BICD1: variants seen among roughly 807,000 people sequenced by gnomAD.
BICD1 encodes the protein BICD cargo adaptor 1.
BICD1 carries 35 observed loss-of-function variants against 92.5 expected under a neutral mutation model. The ratio of observed to expected loss-of-function variants is 0.38; its 90% CI spans 0.29 to 0.50. BICD1 has a LOEUF of 0.50. Ranked by LOEUF, BICD1 falls within the 20% of genes least tolerant of loss-of-function variation. The pLI is 0.93. For missense variants in BICD1, 950 were observed against 1,189.8 expected (o/e 0.80, Z 2.97); for synonymous variants, 429 against 465.1 (o/e 0.92, Z 1.00).
intron 1 of BICD1, among the ~76,000 whole-genome samples, chr12:32,124,284 A>G (rs1036043801): frequency 3.9e-5 from 6 of 152,198 alleles, no homozygotes; most frequent in Admixed American, 1.3e-4. Context: ...TTTTTAAGTT[A>G]CTTATTTGTT....
intron 1 of BICD1, among the ~76,000 whole-genome samples, chr12:32,123,816 G>T (rs1942237299): frequency 6.6e-6 from 1 of 151,964 alleles, no homozygotes; most frequent in Admixed American, 6.6e-5. Context: ...GATGGAGGTT[G>T]CAGTGAGCCG....
At chr12:32,333,861 A>AT (rs1257197391) in intron 5 of BICD1, among the ~76,000 whole-genome samples, 2 of 152,218 alleles carry the variant, frequency 1.3e-5, no homozygotes, top group African/African-American at 4.8e-5. Flanking sequence ...CTCATTCAAC[A>AT]TTTTATAACC....
At position 32,327,442 on chromosome 12, in the gene BICD1, C is replaced by A; in HGVS notation, c.1006-19C>A. On this transcript the variant is annotated intron_variant, in intron 4 of 9. Coordinates refer to ENST00000652176, the MANE Select transcript of BICD1 (RefSeq NM_001714.4). ...GTGCTGCCTTGAGGTGATTCAGAAA[C>A]TTTCTTTTGCCATTGCAGGTAGAGC... is the stretch of plus-strand genomic sequence containing the variant. 1 of 1,580,068 alleles carries A rather than the reference C, an allele frequency of 6.3e-7. No homozygotes were observed. Among genetic ancestry groups the A allele is most frequent in the Non-Finnish European group, 8.6e-7 (1 of 1,160,826 alleles).
At chr12:32,300,771 A>G (rs1301314507) in intron 3 of BICD1, among the ~76,000 whole-genome samples, 5 of 149,090 alleles carry the variant, frequency 3.4e-5, no homozygotes, top group Admixed American at 6.8e-5. Context: ...CAGCCTCCTG[A>G]GTAGCTGGGA....
intron 1 of BICD1, among the ~76,000 whole-genome samples, chr12:32,204,160 G>A (rs1170042152): frequency 7.3e-6 from 1 of 137,368 alleles, no homozygotes; most frequent in Non-Finnish European, 1.6e-5. Flanking sequence ...GCCAGCCTGG[G>A]CAACATGGTG....
At chr12:32,195,194 C>T (rs1478192379) in intron 1 of BICD1, among the ~76,000 whole-genome samples, 5 of 151,830 alleles carry the variant, frequency 3.3e-5, no homozygotes, top group Non-Finnish European at 7.4e-5. Flanking sequence ...CTACTGAAAG[C>T]AACATACAGA....
Position 32,113,114 on chromosome 12 carries a change from A to G in BICD1, c.213+5570A>G, listed in dbSNP as rs111511646. ...TCTCTGCCAAGTCTACAAGTGCAGT[A>G]TAGAAGGTTATGGTGATGGTCATAG... On this transcript the variant is annotated intron_variant, in intron 1 of 9. Coordinates refer to ENST00000652176, the MANE Select transcript of BICD1 (RefSeq NM_001714.4). 5.1e-3 allele frequency among the ~76,000 whole-genome samples: 780 copies of G among 152,276 alleles called. 4 individuals carry two copies. The highest frequency in any genetic ancestry group is 8.0e-3 in the Non-Finnish European group (542 of 68,024).
intron 1 of BICD1, among the ~76,000 whole-genome samples, chr12:32,179,585 A>G (rs1396955331): frequency 6.6e-6 from 1 of 151,998 alleles, no homozygotes; most frequent in African/African-American, 2.4e-5. Context: ...CTTGATTCCC[A>G]GTGTGCTAAC....
At chr12:32,147,877 GC>G (rs1467057153) in intron 1 of BICD1, among the ~76,000 whole-genome samples, 12 of 152,128 alleles carry the variant, frequency 7.9e-5, no homozygotes, top group South Asian at 2.1e-4. Flanking sequence ...TGTGGCACAC[GC>G]CTAAAATTGT....
chr12:32,173,507 A>G (rs1944010474), intron 1 of BICD1, among the ~76,000 whole-genome samples: 1 of 152,200 alleles, frequency 6.6e-6, no homozygotes, highest in African/African-American at 2.4e-5. Flanking sequence ...TCAGCTATCT[A>G]TGAGAGCTGT....
rs945322355 is a variant in BICD1, at chr12:32,107,153, C to T, written c.-179C>T. The T allele has an allele frequency of 4.6e-5, 29 of 634,826 alleles. 1 individual carries two copies. Among genetic ancestry groups the T allele is most frequent in the South Asian group, 1.4e-4 (7 of 51,450 alleles). The allele number at this position is 634,826 out of a possible 1,614,324, so 39.3% of individuals were successfully genotyped here. ...CATGTTGCATTTCTCGTCAGTTTCT[C>T]GGGCGGTGTAGCTGCCGCTGCCACC... is the stretch of plus-strand genomic sequence containing the variant. On this transcript the variant is annotated 5_prime_UTR_variant, in exon 1 of 10. Coordinates refer to ENST00000652176, the MANE Select transcript of BICD1 (RefSeq NM_001714.4).
intron 2 of BICD1, among the ~76,000 whole-genome samples, chr12:32,246,913 G>C (rs1946403439): frequency 6.6e-6 from 1 of 152,018 alleles, no homozygotes. Flanking sequence ...GGTTGGTTTG[G>C]GGGTGGGGAG....
chr12:32,202,379 C>T (rs1944931364), intron 1 of BICD1, among the ~76,000 whole-genome samples: 1 of 152,060 alleles, frequency 6.6e-6, no homozygotes, highest in African/African-American at 2.4e-5. Flanking sequence ...AAAGGTAATC[C>T]AAGGGGTAAT....
Position 32,300,793 on chromosome 12 carries a change from C to T in BICD1, c.580-4904C>T, listed in dbSNP as rs1018806073. The stretch of plus-strand genomic sequence containing the variant: ...CTGAGTAGCTGGGACTACAGGCACC[C>T]ACCACCATGCCCAGCTAAATTTTTT... On this transcript the variant is annotated intron_variant, in intron 3 of 9. Coordinates refer to ENST00000652176, the MANE Select transcript of BICD1 (RefSeq NM_001714.4). 6.0e-5 allele frequency among the ~76,000 whole-genome samples: 9 copies of T among 150,246 alleles called. No homozygotes were observed. The South Asian group carries it at 1.3e-3, about 21-fold the overall frequency.
chr12:32,381,225 A>G lies in BICD1; in HGVS notation c.*3598A>G, dbSNP rs185627055. The G allele has an allele frequency of 6.6e-6, 1 of 152,096 alleles. No individual in the cohort carries two copies. Among genetic ancestry groups the G allele is most frequent in the Non-Finnish European group, 1.5e-5 (1 of 67,914 alleles). The allele number at this position is 152,096 out of a possible 1,614,324, so 9.4% of individuals were successfully genotyped here. A position where few individuals can be genotyped will look rare whatever the true frequency, so the allele number is the denominator to read the frequency against. Reference sequence around the variant, plus strand: ...TGGTATTATTTTTTCTTTCAGCTATATTCCATGGTATCTTTAAAATTGTTC... The same window carrying G: ...TGGTATTATTTTTTCTTTCAGCTATGTTCCATGGTATCTTTAAAATTGTTC... On this transcript the variant is annotated 3_prime_UTR_variant, in exon 10 of 10. Coordinates refer to ENST00000652176, the MANE Select transcript of BICD1 (RefSeq NM_001714.4).
At chr12:32,207,585 G>A (rs1945096743) in intron 1 of BICD1, among the ~76,000 whole-genome samples, 1 of 151,976 alleles carries the variant, frequency 6.6e-6, no homozygotes, top group Admixed American at 6.6e-5. Flanking sequence ...ATGGTTTTCA[G>A]AATACAAAAT....
At chr12:32,149,312 A>T (rs1943217956) in intron 1 of BICD1, among the ~76,000 whole-genome samples, 1 of 152,210 alleles carries the variant, frequency 6.6e-6, no homozygotes, top group Admixed American at 6.5e-5. Context: ...GATAGCATTA[A>T]TTTTGCTGTA....
chr12:32,305,729 G>A lies in BICD1; in HGVS notation c.612G>A (p.Lys204=). ...VEYEGLKHEI[K]RFEEETVLLN... is the part of the protein sequence containing the mutation. ...ACGAAGGCTTAAAGCATGAGATTAA[G>A]CGATTTGAGGAGGAGACGGTACTGC... The change falls in exon 4 of 10, where the codon AAG becomes AAA. Residue 204 remains lysine (K), a synonymous_variant. Transcript: ENST00000652176. 6.2e-7 allele frequency: 1 copy of A among 1,613,588 alleles called. No individual in the cohort carries two copies. Among genetic ancestry groups the A allele is most frequent in the Non-Finnish European group, 8.5e-7 (1 of 1,179,872 alleles).
At chr12:32,166,105 C>CTTT (rs1555140583) in intron 1 of BICD1, among the ~76,000 whole-genome samples, 53 of 121,874 alleles carry the variant, frequency 4.3e-4, no homozygotes, top group Non-Finnish European at 6.5e-4. Flanking sequence ...TGTCTGGAGA[C>CTTT]ATTTATTTAT....
Sources: gnomAD v4.1 joint callset for allele counts (sites outside exome capture counted in the v4.1 genomes callset) on GRCh38, gnomAD v4.1.1 for gene constraint, MANE v1.5 for transcripts, NCBI Gene and HGNC (gene_info 2026-07-23, HGNC 2026-07-21) for gene names.